Variants in TENM2 observed in about 807,000 individuals in gnomAD.
TENM2 encodes the protein teneurin transmembrane protein 2.
Under a neutral mutation model 245.2 loss-of-function variants are expected in TENM2, and 52 were observed. The observed-to-expected ratio is 0.21, with a 90% CI of 0.17 to 0.27. The LOEUF (loss-of-function observed/expected upper bound fraction) is 0.27. TENM2 is among the 10% of genes least tolerant of loss of function. The pLI is 1.00. For synonymous variants in TENM2, 1,363 were observed against 1,438.9 expected, an observed-to-expected ratio of 0.95 and a Z score of 1.19; for missense variants, 3,046 against 3,666.8, an observed-to-expected ratio of 0.83 and a Z score of 4.37.
At position 168,065,700 on chromosome 5, in the gene TENM2, A is replaced by G. The variant is rs138772881; in HGVS notation, c.1515+3435A>G. ...ACATTTCATTGCAGAAAAGTTTTAC[A>G]AACAGAGAAACAAAAGAAAAAAGTA... On this transcript the variant is annotated intron_variant, in intron 7 of 28. Coordinates refer to ENST00000518659, the Ensembl canonical transcript of TENM2. 3.3e-5 allele frequency among the ~76,000 whole-genome samples: 5 copies of G among 152,176 alleles called. No individual in the cohort carries two copies. The East Asian group carries it at 9.6e-4, about 29-fold the overall frequency.
At chr5:167,193,534 A>G in the TENM2 span, among the ~76,000 whole-genome samples, 3,505 of 152,154 alleles carry the variant, frequency 0.023, 72 homozygotes, top group Non-Finnish European at 0.038. Context: ...TTCAACATAT[A>G]GGATGGCTTC....
chr5:167,230,666 TCTGGCCTC>T, the TENM2 span, among the ~76,000 whole-genome samples: 1 of 152,176 alleles, frequency 6.6e-6, no homozygotes, highest in Admixed American at 6.5e-5. Context: ...AGGATGGAGC[TCTGGCCTC>T]CTCATTTTCT....
chr5:167,583,599 G>T (rs1463507748), intron 2 of TENM2, among the ~76,000 whole-genome samples: 1 of 151,750 alleles, frequency 6.6e-6, no homozygotes, highest in African/African-American at 2.4e-5. Flanking sequence ...AAGAACTTTA[G>T]GTTTATAGTA....
At chr5:167,622,336 G>T (rs1778230032) in intron 2 of TENM2, among the ~76,000 whole-genome samples, 1 of 152,106 alleles carries the variant, frequency 6.6e-6, no homozygotes, top group Non-Finnish European at 1.5e-5. Flanking sequence ...TATAAAGCAT[G>T]CCATGCTTTA....
intron 3 of TENM2, among the ~76,000 whole-genome samples, chr5:167,930,855 G>T (rs1226967619): frequency 6.6e-6 from 1 of 151,974 alleles, no homozygotes; most frequent in Non-Finnish European, 1.5e-5. Flanking sequence ...AGCCCCAAAA[G>T]AGTTATTATT....
chr5:167,678,650 G>C (rs529270362), intron 2 of TENM2, among the ~76,000 whole-genome samples: 54 of 152,224 alleles, frequency 3.5e-4, no homozygotes, highest in African/African-American at 1.3e-3. Flanking sequence ...ATAAATGTTT[G>C]TGGAGTGAGT....
chr5:168,006,039 ACTGG>A, intron 5 of TENM2, among the ~76,000 whole-genome samples: 1 of 152,200 alleles, frequency 6.6e-6, no homozygotes. Context: ...CATGCCCATC[ACTGG>A]CTTCGTGAAA....
the TENM2 span, among the ~76,000 whole-genome samples, chr5:167,046,111 A>G: frequency 1.3e-5 from 2 of 152,198 alleles, no homozygotes; most frequent in Admixed American, 1.3e-4. Context: ...ACAGAGCAAG[A>G]AGTTAACAAA....
At chr5:167,336,396 GT>G (rs796632056) in intron 1 of TENM2, among the ~76,000 whole-genome samples, 173 of 143,260 alleles carry the variant, frequency 1.2e-3, no homozygotes, top group African/African-American at 2.7e-3. Context: ...GGTTCCTGTG[GT>G]TTTTTTTTTT....
At chr5:168,179,258 A>C (rs1759644826) in intron 13 of TENM2, among the ~76,000 whole-genome samples, 1 of 152,094 alleles carries the variant, frequency 6.6e-6, no homozygotes, top group Non-Finnish European at 1.5e-5. Flanking sequence ...TATGAACCTC[A>C]GTTTCTTTAT....
chr5:167,755,156 A>G (rs1182559269), intron 2 of TENM2: 1 of 1,598,932 alleles, frequency 6.3e-7, no homozygotes, highest in Non-Finnish European at 8.5e-7. Flanking sequence ...TCAGTCTGTG[A>G]GTTTTCTCCA....
chr5:167,676,435 C>A (rs901431355), intron 2 of TENM2, among the ~76,000 whole-genome samples: 3 of 152,066 alleles, frequency 2.0e-5, no homozygotes, highest in African/African-American at 7.2e-5. Flanking sequence ...CTCAATGCAC[C>A]TGCTCTTTAT....
intron 1 of TENM2, among the ~76,000 whole-genome samples, chr5:167,323,468 C>A (rs1008003535): frequency 2.0e-5 from 3 of 151,702 alleles, no homozygotes; most frequent in Non-Finnish European, 4.4e-5. Flanking sequence ...ATATATATTC[C>A]CCTCCCTAAA....
chr5:167,250,832 T>C, the TENM2 span, among the ~76,000 whole-genome samples: 1 of 152,178 alleles, frequency 6.6e-6, no homozygotes, highest in Non-Finnish European at 1.5e-5. Flanking sequence ...ATAGATTAGG[T>C]GAGCAGCTAC....
At chr5:168,133,505 T>G (rs557804829) in intron 12 of TENM2, among the ~76,000 whole-genome samples, 15 of 152,240 alleles carry the variant, frequency 9.9e-5, no homozygotes, top group Non-Finnish European at 2.1e-4. Context: ...CCTTTCTCTC[T>G]TCTGTAAGGC....
intron 2 of TENM2, among the ~76,000 whole-genome samples, chr5:167,751,264 A>C (rs1582911392): frequency 6.6e-6 from 1 of 152,308 alleles, no homozygotes; most frequent in East Asian, 1.9e-4. Flanking sequence ...CCAGTGACAG[A>C]TGTTTAAGAA....
At chr5:167,208,224 C>T in the TENM2 span, among the ~76,000 whole-genome samples, 1 of 152,188 alleles carries the variant, frequency 6.6e-6, no homozygotes, top group Non-Finnish European at 1.5e-5. Context: ...TTAGTTACTC[C>T]TTGCCAGGCA....
chr5:167,746,151 C>T lies in TENM2; in HGVS notation c.503-129835C>T, dbSNP rs568955236. On this transcript the variant is annotated intron_variant, in intron 2 of 28. Transcript: ENST00000518659. The stretch of plus-strand genomic sequence containing the variant: ...CAATGTTTCCAGAGCCAAAATTCAA[C>T]CCCGTACACTTCGGACTATGCCAAG... Among the ~76,000 whole-genome samples the T allele has an allele frequency of 1.1e-3, 173 of 152,280 alleles. 1 individual carries two copies. The highest frequency in any genetic ancestry group is 2.7e-3 in the Admixed American group (41 of 15,294).
intron 2 of TENM2, among the ~76,000 whole-genome samples, chr5:167,385,417 CT>C (rs1376683181): frequency 6.7e-6 from 1 of 149,274 alleles, no homozygotes; most frequent in Non-Finnish European, 1.5e-5. Flanking sequence ...TTTAATTTTT[CT>C]TTCTCATTAC....
Sources: gnomAD v4.1 joint callset for allele counts (sites outside exome capture counted in the v4.1 genomes callset) on GRCh38, gnomAD v4.1.1 for gene constraint, MANE v1.5 for transcripts, NCBI Gene and HGNC (gene_info 2026-07-23, HGNC 2026-07-21) for gene names.